SBF2: variants seen among roughly 807,000 people sequenced by gnomAD.
The protein encoded by SBF2 is SET binding factor 2, also known as myotubularin-related protein 13.
A neutral mutation model predicts 225.2 loss-of-function variants in SBF2; 112 were observed. The ratio of observed to expected loss-of-function variants is 0.50; its 90% CI spans 0.43 to 0.58. The LOEUF is 0.58. Ranked by LOEUF, SBF2 falls within the 20% of genes least tolerant of loss-of-function variation. SBF2 has a pLI of 0.00. For synonymous variants in SBF2, 763 were observed against 773.3 expected (o/e 0.99, Z 0.22); for missense variants, 1,996 against 2,206.2 (o/e 0.90, Z 1.91).
chr11:10,207,358 G>T (rs1957785136), intron 1 of SBF2, among the ~76,000 whole-genome samples: 1 of 151,962 alleles, frequency 6.6e-6, no homozygotes, highest in Admixed American at 6.6e-5. Context: ...AAACAGAAAG[G>T]AAATTACAAA....
At chr11:9,931,425 GTATTTGCTGTTCTGCAA>G (rs1186947156) in intron 16 of SBF2, among the ~76,000 whole-genome samples, 1 of 152,228 alleles carries the variant, frequency 6.6e-6, no homozygotes, top group South Asian at 2.1e-4. Flanking sequence ...TCAGGCAGCA[GTATTTGCTGTTCTGCAA>G]TATTTGCTGT....
chr11:10,173,577 C>G (rs972810846), intron 2 of SBF2, among the ~76,000 whole-genome samples: 47 of 152,244 alleles, frequency 3.1e-4, no homozygotes, highest in Non-Finnish European at 2.8e-4. Context: ...GGCAGCGAGG[C>G]TGGGGGAGGG....
chr11:10,254,900 C>CAAAAAAAAAAAAA lies in SBF2; in HGVS notation c.55+39102_55+39114dup, dbSNP rs71034757. 1.1e-3 allele frequency among the ~76,000 whole-genome samples: 47 copies of CAAAAAAAAAAAAA among 44,072 alleles called. 1 individual carries two copies. Among genetic ancestry groups the CAAAAAAAAAAAAA allele is most frequent in the African/African-American group, 1.5e-3 (16 of 10,554 alleles). The allele number at this position is 44,072 out of a possible 152,430, so 28.9% of individuals were successfully genotyped here. On this transcript the variant is annotated intron_variant, in intron 1 of 39. Coordinates refer to ENST00000256190, the MANE Select transcript of SBF2 (RefSeq NM_030962.4). ...TGGGTGACAGAGTGAGACTCTGTCT[C>CAAAAAAAAAAAAA]AAAAAAAAAAAAAAAAAAAAAAAAA...
intron 2 of SBF2, among the ~76,000 whole-genome samples, chr11:10,078,040 C>G (rs1013676559): frequency 2.0e-5 from 3 of 152,206 alleles, no homozygotes; most frequent in African/African-American, 4.8e-5. Context: ...TGAAAAAATG[C>G]TCATCATCAC....
At position 10,133,473 on chromosome 11, in the gene SBF2, C is replaced by G. The variant is rs1056755131; in HGVS notation, c.141+60429G>C. Among the ~76,000 whole-genome samples the G allele has an allele frequency of 1.4e-5, 2 of 143,176 alleles. 1 individual carries two copies. The highest frequency in any genetic ancestry group is 5.0e-5 in the African/African-American group (2 of 39,880). 93.9% of individuals were successfully genotyped at this position (143,176 alleles called of 152,430 possible). A position where few individuals can be genotyped will look rare whatever the true frequency, so the allele number is the denominator to read the frequency against. On this transcript the variant is annotated intron_variant, in intron 2 of 39. Coordinates refer to ENST00000256190, the MANE Select transcript of SBF2 (RefSeq NM_030962.4). ...CCGTGGGAGGGCAGCCAAGGCCCAGCGAGAAATCGAACGCAGTGCCGGTGG... is the reference window on the plus strand; with the variant it reads ...CCGTGGGAGGGCAGCCAAGGCCCAGGGAGAAATCGAACGCAGTGCCGGTGG...
chr11:10,042,707 A>C, intron 3 of SBF2, 137 bp downstream of exon 3: 1 of 787,738 alleles, frequency 1.3e-6, no homozygotes, highest in South Asian at 1.7e-5. Flanking sequence ...TCCAACCTTA[A>C]ACATAAAAAT....
intron 6 of SBF2, among the ~76,000 whole-genome samples, chr11:10,007,206 AAG>A (rs1219562917): frequency 6.6e-6 from 1 of 152,170 alleles, no homozygotes; most frequent in Non-Finnish European, 1.5e-5. Context: ...CCAGAACCCT[AAG>A]GACAAATAGG....
rs1351474235 is a variant in SBF2 at position 9,784,407 on chromosome 11, C to T, written c.5263G>A (p.Ala1755Thr). The stretch of plus-strand genomic sequence containing the variant: ...CGGGGCTTCCAACCTTTCAGCAAAG[C>T]CCCTCTTTTATAAAGTGTTCCCTCA... ...SFEGTLYKRG[A>T]LLKGWKPRWF... Residue 1755 changes from alanine to threonine, a missense_variant, in exon 38 of 40, where the codon GCT (alanine) becomes ACT (threonine). By Grantham distance (58) the Ala-to-Thr change is moderately conservative. Coordinates refer to ENST00000256190, the MANE Select transcript of SBF2 (RefSeq NM_030962.4). 6.2e-7 allele frequency: 1 copy of T among 1,614,090 alleles called. No homozygotes were observed. The highest frequency in any genetic ancestry group is 1.3e-5 in the African/African-American group (1 of 75,048).
Position 9,845,392 on chromosome 11 carries a change from C to T in SBF2, c.3110+173G>A, listed in dbSNP as rs144548600. The stretch of plus-strand genomic sequence containing the variant: ...AGCTTTTAGTTTTTGAAACTTGCTA[C>T]ATTTATCAATGCTGCTGTTCCGTAA... On this transcript the variant is annotated intron_variant, in intron 24 of 39. Coordinates refer to ENST00000256190, the MANE Select transcript of SBF2 (RefSeq NM_030962.4). 2.4e-3 allele frequency among the ~76,000 whole-genome samples: 370 copies of T among 152,330 alleles called. 1 individual carries two copies. The highest frequency in any genetic ancestry group is 4.3e-3 in the Non-Finnish European group (295 of 68,008).
chr11:10,021,338 G>T (rs944351782), intron 6 of SBF2, among the ~76,000 whole-genome samples: 2 of 152,154 alleles, frequency 1.3e-5, no homozygotes, highest in Admixed American at 6.5e-5. Flanking sequence ...ATAAAAACCA[G>T]TTCCTGTGAA....
intron 32 of SBF2, 58 bp from the exon 33 acceptor site, chr11:9,796,015 C>G (rs1853100107): frequency 1.3e-6 from 2 of 1,572,736 alleles, no homozygotes; most frequent in Non-Finnish European, 1.7e-6. Flanking sequence ...AAGTGGATGC[C>G]AGGCCACTGA....
chr11:9,911,428 G>T (rs1367157866), intron 16 of SBF2, among the ~76,000 whole-genome samples: 1 of 151,098 alleles, frequency 6.6e-6, no homozygotes, highest in Non-Finnish European at 1.5e-5. Flanking sequence ...TATAATGAAA[G>T]AAAATATTTT....
At chr11:10,279,554 G>A (rs1411648984) in intron 1 of SBF2, among the ~76,000 whole-genome samples, 1 of 152,088 alleles carries the variant, frequency 6.6e-6, no homozygotes, top group Non-Finnish European at 1.5e-5. Flanking sequence ...CTCCCTGTCT[G>A]TTAGTGCTAA....
intron 16 of SBF2, among the ~76,000 whole-genome samples, chr11:9,925,540 C>T (rs1266122206): frequency 1.3e-5 from 2 of 151,956 alleles, no homozygotes; most frequent in East Asian, 1.9e-4. Context: ...CCTCCCAAAG[C>T]GCTGGGATTA....
At chr11:9,995,993 G>A (rs1947684165) in intron 9 of SBF2, among the ~76,000 whole-genome samples, 1 of 152,014 alleles carries the variant, frequency 6.6e-6, no homozygotes, top group Admixed American at 6.6e-5. Context: ...AGTACATTAA[G>A]TAGTATCTAA....
intron 13 of SBF2, among the ~76,000 whole-genome samples, chr11:9,984,531 C>A (rs1157816081): frequency 6.6e-6 from 1 of 152,130 alleles, no homozygotes; most frequent in African/African-American, 2.4e-5. Flanking sequence ...AGGAAAACAT[C>A]CCCGGCCTTG....
intron 1 of SBF2, among the ~76,000 whole-genome samples, chr11:10,272,419 T>G (rs1962568037): frequency 6.6e-6 from 1 of 152,198 alleles, no homozygotes; most frequent in South Asian, 2.1e-4. Context: ...TCAAACCTCA[T>G]GAGCCACAAG....
intron 6 of SBF2, among the ~76,000 whole-genome samples, chr11:10,020,140 G>C (rs1426714905): frequency 6.6e-6 from 1 of 152,092 alleles, no homozygotes; most frequent in South Asian, 2.1e-4. Context: ...CCAGGGAAGG[G>C]CAGTTTCCCA....
At chr11:9,801,761 C>T (rs958469086) in intron 32 of SBF2, among the ~76,000 whole-genome samples, 2 of 152,176 alleles carry the variant, frequency 1.3e-5, no homozygotes, top group Non-Finnish European at 2.9e-5. Flanking sequence ...GTTGAATAGG[C>T]AGCAGACAGC....
Sources: allele counts gnomAD v4.1 joint callset (sites outside exome capture counted in the v4.1 genomes callset), GRCh38; gene constraint gnomAD v4.1.1; transcripts MANE v1.5; gene names NCBI Gene and HGNC (gene_info 2026-07-23, HGNC 2026-07-21).